The following ZRANB3 variants were observed in gnomAD, a reference collection of about 807,000 sequenced individuals.
ZRANB3 encodes the protein DNA annealing helicase and endonuclease ZRANB3.
Under a neutral mutation model 133.8 loss-of-function variants are expected in ZRANB3, and 125 were observed. The observed-to-expected ratio is 0.93, with a 90% CI of 0.81 to 1.08. The LOEUF is 1.08. ZRANB3 is among the 50% of genes least tolerant of loss of function. ZRANB3 has a pLI of 0.00. For synonymous variants in ZRANB3, 387 were observed against 432.7 expected, an observed-to-expected ratio of 0.89 and a Z score of 1.31; for missense variants, 1,229 against 1,275.5, an observed-to-expected ratio of 0.96 and a Z score of 0.56.
chr2:135,526,220 A>G (rs1434542156), intron 1 of ZRANB3, among the ~76,000 whole-genome samples: 10 of 147,604 alleles, frequency 6.8e-5, no homozygotes, highest in Middle Eastern at 3.5e-3. Flanking sequence ...CTGGAGTACA[A>G]TGGCACTATC....
At position 135,424,610 on chromosome 2, in the gene ZRANB3, G is replaced by A. The variant is rs984042023; in HGVS notation, c.162-33790C>T. ...TAGCCGAGCATGGTGGAAGGCACCT[G>A]TAATCCCAGCTCCTGGGGAGGCTGA... On this transcript the variant is annotated intron_variant, in intron 2 of 20. Transcript: ENST00000264159. 1.0e-3 allele frequency among the ~76,000 whole-genome samples: 154 copies of A among 152,284 alleles called. 1 individual carries two copies. Among genetic ancestry groups the A allele is most frequent in the African/African-American group, 3.5e-3 (146 of 41,568 alleles).
intron 6 of ZRANB3, among the ~76,000 whole-genome samples, chr2:135,316,763 T>G (rs1683272046): frequency 1.3e-5 from 2 of 151,908 alleles, no homozygotes; most frequent in African/African-American, 4.8e-5. Context: ...GTGAAGAGAT[T>G]GAGACCATCC....
intron 3 of ZRANB3, among the ~76,000 whole-genome samples, chr2:135,387,703 A>G (rs1315285408): frequency 6.6e-6 from 1 of 152,212 alleles, no homozygotes; most frequent in Non-Finnish European, 1.5e-5. Flanking sequence ...GAGAGAAGTA[A>G]TTAAGTAATT....
intron 16 of ZRANB3, 47 bp from the exon 17 acceptor site, chr2:135,217,654 T>C (rs747113693): frequency 5.0e-6 from 8 of 1,586,216 alleles, no homozygotes; most frequent in Non-Finnish European, 6.8e-6. Context: ...CAGGCAGATA[T>C]CTTCCTTTGA....
intron 2 of ZRANB3, among the ~76,000 whole-genome samples, chr2:135,398,406 C>T (rs1687593986): frequency 6.6e-6 from 1 of 151,888 alleles, no homozygotes; most frequent in Admixed American, 6.6e-5. Flanking sequence ...GCTTCTGACT[C>T]CTGACTTCCA....
chr2:135,416,901 G>C (rs1688602462), intron 2 of ZRANB3, among the ~76,000 whole-genome samples: 1 of 152,156 alleles, frequency 6.6e-6, no homozygotes, highest in Non-Finnish European at 1.5e-5. Context: ...AAACTGGCTA[G>C]CCATATGTAA....
At chr2:135,484,849 T>C (rs527499724) in intron 2 of ZRANB3, among the ~76,000 whole-genome samples, 175 of 151,576 alleles carry the variant, frequency 1.2e-3, no homozygotes, top group Non-Finnish European at 1.9e-3. Flanking sequence ...GCCTGGTCAA[T>C]ACAGTGAAAC....
intron 2 of ZRANB3, among the ~76,000 whole-genome samples, chr2:135,469,881 G>A (rs1270883073): frequency 2.6e-5 from 4 of 151,430 alleles, no homozygotes; most frequent in Non-Finnish European, 4.4e-5. Context: ...GCGTGGTGGC[G>A]GGCGCCTGTA....
intron 2 of ZRANB3, among the ~76,000 whole-genome samples, chr2:135,440,403 A>T (rs1478782399): frequency 6.8e-6 from 1 of 146,248 alleles, no homozygotes; most frequent in African/African-American, 2.5e-5. Flanking sequence ...GCTCTGTCTA[A>T]AAAAAAAAAA....
At chr2:135,263,033 C>G (rs898576282) in intron 12 of ZRANB3, among the ~76,000 whole-genome samples, 1 of 151,968 alleles carries the variant, frequency 6.6e-6, no homozygotes, top group African/African-American at 2.4e-5. Flanking sequence ...TACTTCTGAT[C>G]TTTTTATAAA....
At chr2:135,481,755 C>T (rs910111377) in intron 2 of ZRANB3, among the ~76,000 whole-genome samples, 7 of 150,846 alleles carry the variant, frequency 4.6e-5, no homozygotes, top group South Asian at 2.1e-4. Flanking sequence ...TTAGGTATAA[C>T]GTTTAAGTCT....
At chr2:135,504,252 A>G (rs780904355) in intron 2 of ZRANB3, 77 bp downstream of exon 2, 26 of 1,563,528 alleles carry the variant, frequency 1.7e-5, no homozygotes, top group Admixed American at 8.4e-5. Flanking sequence ...ACACGAAAAG[A>G]AAGTTTGAAC....
chr2:135,494,297 G>C (rs1409692197), intron 2 of ZRANB3, among the ~76,000 whole-genome samples: 1 of 121,148 alleles, frequency 8.3e-6, no homozygotes, highest in Non-Finnish European at 1.6e-5. Context: ...GACAGAGCAA[G>C]ACTCCGTCTC....
chr2:135,418,651 A>C (rs1020791954), intron 2 of ZRANB3, among the ~76,000 whole-genome samples: 5 of 152,228 alleles, frequency 3.3e-5, no homozygotes, highest in African/African-American at 1.2e-4. Context: ...AATGGATGAT[A>C]GCCTCAGGAA....
At chr2:135,261,094 T>C (rs552173913) in intron 12 of ZRANB3, among the ~76,000 whole-genome samples, 1 of 151,340 alleles carries the variant, frequency 6.6e-6, no homozygotes, top group Non-Finnish European at 1.5e-5. Context: ...GTCAAAGAAG[T>C]TTTTGATGTC....
chr2:135,265,553 T>G lies in ZRANB3; in HGVS notation c.1520A>C (p.Lys507Thr). Residue 507 changes from lysine (K) to threonine (T), a missense_variant, in exon 12 of 21, where the codon AAG (lysine) becomes ACG (threonine). Transcript: ENST00000264159. ...TCTTACGTGAGTGAACAAAGCTTCC[T>G]TCCTTAACTCTTCAGAACTGTCATT... ...TPNDSSEELR[K>T]EALFTHFEKE... 1.9e-6 allele frequency: 3 copies of G among 1,613,384 alleles called. No individual in the cohort carries two copies. Among genetic ancestry groups the G allele is most frequent in the Non-Finnish European group, 2.5e-6 (3 of 1,179,686 alleles).
chr2:135,267,124 T>C (rs1680286596), intron 11 of ZRANB3, among the ~76,000 whole-genome samples: 1 of 152,240 alleles, frequency 6.6e-6, no homozygotes, highest in African/African-American at 2.4e-5. Context: ...TGACTCTTCA[T>C]TGACATCTAG....
intron 1 of ZRANB3, among the ~76,000 whole-genome samples, chr2:135,518,722 T>C (rs1335385655): frequency 1.3e-5 from 2 of 152,316 alleles, no homozygotes. Context: ...CCAGCCACCA[T>C]AGTCCTGTAA....
At chr2:135,421,899 T>G (rs1184374291) in intron 2 of ZRANB3, among the ~76,000 whole-genome samples, 1 of 150,930 alleles carries the variant, frequency 6.6e-6, no homozygotes, top group Non-Finnish European at 1.5e-5. Context: ...CCTTTTTTTT[T>G]TTTTTTGCTT....
Sources: gnomAD v4.1 joint callset for allele counts (sites outside exome capture counted in the v4.1 genomes callset) on GRCh38, gnomAD v4.1.1 for gene constraint, MANE v1.5 for transcripts, NCBI Gene and HGNC (gene_info 2026-07-23, HGNC 2026-07-21) for gene names.